The following SLC2A9 variants were observed in gnomAD, a reference collection of about 807,000 sequenced individuals.
SLC2A9 encodes the protein solute carrier family 2, facilitated glucose transporter member 9.
Under a neutral mutation model 50.6 loss-of-function variants are expected in SLC2A9, and 39 were observed. The ratio of observed to expected loss-of-function variants is 0.77; its 90% confidence interval spans 0.60 to 1.01. The LOEUF (loss-of-function observed/expected upper bound fraction) is 1.01. SLC2A9 is among the 50% of genes least tolerant of loss of function. The pLI, the probability that SLC2A9 is intolerant of heterozygous loss-of-function variation, is 0.00. For synonymous variants in SLC2A9, 324 were observed against 276.9 expected (o/e 1.17, Z -1.69); for missense variants, 686 against 677.6 (o/e 1.01, Z -0.14).
At chr4:9,841,890 T>G (rs1003753219) in intron 10 of SLC2A9, among the ~76,000 whole-genome samples, 4 of 152,202 alleles carry the variant, frequency 2.6e-5, no homozygotes, top group Admixed American at 2.0e-4. Flanking sequence ...CTGCAATTGC[T>G]GACTCACCTG....
intron 5 of SLC2A9, among the ~76,000 whole-genome samples, chr4:9,954,509 G>A (rs919498426): frequency 6.6e-6 from 1 of 152,224 alleles, no homozygotes; most frequent in Non-Finnish European, 1.5e-5. Flanking sequence ...ACAGCCATTG[G>A]TCTATACTGG....
intron 5 of SLC2A9, among the ~76,000 whole-genome samples, chr4:9,942,957 A>G (rs1381666149): frequency 6.6e-6 from 1 of 152,054 alleles, no homozygotes; most frequent in Non-Finnish European, 1.5e-5. Context: ...AATAAGACAC[A>G]CTCAGACCTG....
chr4:9,783,539 A>G (rs1016905856), intron 3 of SLC2A9: 48 of 1,341,240 alleles, frequency 3.6e-5, no homozygotes, highest in Non-Finnish European at 4.4e-5. Context: ...ACGCAAATAC[A>G]TGCCTTTCCA....
intron 10 of SLC2A9, among the ~76,000 whole-genome samples, chr4:9,857,082 C>G (rs776084321): frequency 6.6e-6 from 1 of 152,070 alleles, no homozygotes; most frequent in Non-Finnish European, 1.5e-5. Flanking sequence ...ATATATCAAA[C>G]CTGCACATGT....
intron 10 of SLC2A9, among the ~76,000 whole-genome samples, chr4:9,841,467 G>A (rs1728073656): frequency 6.6e-6 from 1 of 152,090 alleles, no homozygotes; most frequent in South Asian, 2.1e-4. Flanking sequence ...TTATTGCAGT[G>A]AGCTACTTTG....
At position 9,931,958 on chromosome 4, in the gene SLC2A9, CTCTCTATATATATATATA is replaced by C. The variant is rs1272784805; in HGVS notation, c.814+9937_814+9954del. Among the ~76,000 whole-genome samples, 18 of 34,398 alleles carry C rather than the reference CTCTCTATATATATATATA, an allele frequency of 5.2e-4. No homozygotes were observed. In the East Asian group the frequency reaches 8.8e-3, roughly 17 times the overall value. The allele number at this position is 34,398 out of a possible 152,430, so 22.6% of individuals were successfully genotyped here. ...TCTCTCTCTCTCTCTCTCTCTCTCT[CTCTCTATATATATATATA>C]TATATATATATATATATATATATGC... is the stretch of plus-strand genomic sequence containing the variant. On this transcript the variant is annotated intron_variant, in intron 6 of 11. Transcript: ENST00000264784.
intron 11 of SLC2A9, among the ~76,000 whole-genome samples, chr4:9,830,827 G>C (rs1032881162): frequency 2.0e-5 from 3 of 152,186 alleles, no homozygotes; most frequent in Non-Finnish European, 2.9e-5. Context: ...GCTGCCAACA[G>C]GATCCCAGAG....
chr4:10,025,873 G>T, upstream of SLC2A9: 1 of 1,596,388 alleles, frequency 6.3e-7, no homozygotes, highest in Non-Finnish European at 8.5e-7. Context: ...GAATAATCAT[G>T]TAAGGGAGAC....
chr4:9,946,487 G>A (rs970239420), intron 5 of SLC2A9, among the ~76,000 whole-genome samples: 1 of 152,226 alleles, frequency 6.6e-6, no homozygotes, highest in Non-Finnish European at 1.5e-5. Context: ...GGGGGTTGAT[G>A]CTGGCTGGGC....
chr4:9,880,156 A>G, intron 10 of SLC2A9: 3 of 985,456 alleles, frequency 3.0e-6, no homozygotes, highest in Non-Finnish European at 3.6e-6. Flanking sequence ...GGAAGATGCA[A>G]GATGGTCTCA....
Position 9,980,725 on chromosome 4 carries a change from C to G in SLC2A9, c.548G>C (p.Ser183Thr), listed in dbSNP as rs1308279416. 2 of 1,614,200 alleles carry G rather than the reference C, an allele frequency of 1.2e-6. No individual in the cohort carries two copies. The highest frequency in any genetic ancestry group is 4.5e-5 in the East Asian group (2 of 44,872). The change falls in exon 5 of 12, where the codon AGT (serine) becomes ACT (threonine). Residue 183 changes from serine (S) to threonine (T), a missense_variant. Physicochemically the swap from Ser to Thr is moderately conservative, Grantham distance 58. Transcript: ENST00000264784. ...IMGIDGGVAL[S>T]VLPMYLSEIS... ...CTCACTAAGGTACATGGGGAGCACA[C>G]TGAGGGCGACGCCTGTAGAGAGAAA...
chr4:9,971,512 C>T (rs904290225), intron 5 of SLC2A9, among the ~76,000 whole-genome samples: 6 of 152,144 alleles, frequency 3.9e-5, no homozygotes, highest in Non-Finnish European at 7.4e-5. Context: ...CTCTCCAAAC[C>T]CCTCTTGTTG....
chr4:9,904,505 A>G (rs188870086), intron 8 of SLC2A9, among the ~76,000 whole-genome samples: 1 of 152,180 alleles, frequency 6.6e-6, no homozygotes, highest in Non-Finnish European at 1.5e-5. Flanking sequence ...ATCCAGGGTT[A>G]GCTCCCTATC....
chr4:10,035,282 G>A (rs572778777), intron 1 of SLC2A9: 62 of 152,344 alleles, frequency 4.1e-4, no homozygotes, highest in African/African-American at 1.5e-3. Flanking sequence ...CTCAACAGAA[G>A]TGGAGCGAAG....
At chr4:9,995,883 T>C (rs1758564024) in intron 3 of SLC2A9, 1 of 152,222 alleles carries the variant, frequency 6.6e-6, no homozygotes, top group Non-Finnish European at 1.5e-5. Context: ...AAGACACGAA[T>C]GTTCTGGCCC....
At chr4:9,995,757 C>G (rs905481685) in intron 3 of SLC2A9, 1 of 152,158 alleles carries the variant, frequency 6.6e-6, no homozygotes, top group African/African-American at 2.4e-5. Context: ...TGTAACATTC[C>G]CTGCAGGTAG....
intron 3 of SLC2A9, among the ~76,000 whole-genome samples, chr4:9,809,856 T>C (rs927720568): frequency 1.3e-5 from 2 of 151,072 alleles, no homozygotes; most frequent in African/African-American, 2.5e-5. Context: ...TCTTTTCTTT[T>C]TTTTTTTTTT....
intron 3 of SLC2A9, among the ~76,000 whole-genome samples, chr4:9,788,587 G>A (rs1290411684): frequency 5.3e-5 from 8 of 152,098 alleles, no homozygotes; most frequent in African/African-American, 1.9e-4. Flanking sequence ...GGGGACACAT[G>A]TGTCCCATTT....
chr4:9,914,969 T>A (rs73094597), intron 7 of SLC2A9, among the ~76,000 whole-genome samples: 3,429 of 152,328 alleles, frequency 0.023, 144 homozygotes, highest in African/African-American at 0.078. Flanking sequence ...CACCCAGTCT[T>A]GCTTCTCATC....
Sources: allele counts gnomAD v4.1 joint callset (sites outside exome capture counted in the v4.1 genomes callset), GRCh38; gene constraint gnomAD v4.1.1; transcripts MANE v1.5; gene names NCBI Gene and HGNC (gene_info 2026-07-23, HGNC 2026-07-21).